TNFSF8: variants seen among roughly 807,000 people sequenced by gnomAD.
The protein encoded by TNFSF8 is TNF superfamily member 8.
TNFSF8 carries 4 observed loss-of-function variants against 22.0 expected under a neutral mutation model. That is an observed-to-expected ratio of 0.18 (90% CI 0.09 to 0.42). The LOEUF (loss-of-function observed/expected upper bound fraction) is 0.42, where lower values mean the gene tolerates loss of function less well. Among genes scored for constraint, TNFSF8 ranks in the 10% least tolerant of loss-of-function variants. TNFSF8 has a pLI of 1.00. For missense variants in TNFSF8, 233 were observed against 281.8 expected, an observed-to-expected ratio of 0.83 and a Z score of 1.24; for synonymous variants, 106 against 112.5, an observed-to-expected ratio of 0.94 and a Z score of 0.37.
chr9:114,893,537 T>C (rs1827626039), exon 5 of TNFSF8: 1 of 157,852 alleles, frequency 6.3e-6, no homozygotes, highest in Admixed American at 6.0e-5. Context: ...TGGTGTAAAC[T>C]TTAAAGCACT....
In TNFSF8 at chr9:114,930,460, G is replaced by A; in HGVS notation, c.-157C>T. Reference sequence around the variant, plus strand: ...CTGCCTGGTGGAGAAACTCTTCTCTGGGGGCGTGAGGCGAGAGGCGGCAGC... The same window carrying A: ...CTGCCTGGTGGAGAAACTCTTCTCTAGGGGCGTGAGGCGAGAGGCGGCAGC... On this transcript the variant is annotated 5_prime_UTR_variant, in exon 1 of 4. Coordinates refer to ENST00000223795, the MANE Select transcript of TNFSF8 (RefSeq NM_001244.4). 1.9e-6 allele frequency: 1 copy of A among 519,934 alleles called. No individual in the cohort carries two copies. The highest frequency in any genetic ancestry group is 3.1e-6 in the Non-Finnish European group (1 of 326,488). 32.2% of individuals were successfully genotyped at this position (519,934 alleles called of 1,614,324 possible). A position where few individuals can be genotyped will look rare whatever the true frequency, so the allele number is the denominator to read the frequency against.
chr9:114,914,761 G>T (rs936384959), intron 2 of TNFSF8, among the ~76,000 whole-genome samples: 5 of 152,052 alleles, frequency 3.3e-5, no homozygotes, highest in Non-Finnish European at 7.4e-5. Context: ...GGGTGTGGGG[G>T]AAAGGTTCTC....
chr9:114,912,064 G>C (rs1323803864), intron 2 of TNFSF8, among the ~76,000 whole-genome samples: 1 of 152,178 alleles, frequency 6.6e-6, no homozygotes, highest in African/African-American at 2.4e-5. Flanking sequence ...ATCAATTTTA[G>C]AAAGTTAGAC....
downstream of TNFSF8, among the ~76,000 whole-genome samples, chr9:114,899,966 A>T (rs1827698276): frequency 6.6e-6 from 1 of 152,328 alleles, no homozygotes; most frequent in South Asian, 2.1e-4. Context: ...CAAGAAGAAG[A>T]TGTGCTTATT....
intron 1 of TNFSF8, among the ~76,000 whole-genome samples, chr9:114,924,136 C>G (rs1828027326): frequency 6.6e-6 from 1 of 152,136 alleles, no homozygotes; most frequent in African/African-American, 2.4e-5. Flanking sequence ...GAGATTTTAG[C>G]TCGGTGCTTC....
intron 1 of TNFSF8, among the ~76,000 whole-genome samples, chr9:114,920,095 G>A (rs775963293): frequency 2.1e-4 from 32 of 152,198 alleles, no homozygotes; most frequent in Non-Finnish European, 3.5e-4. Flanking sequence ...CATGCAGTTT[G>A]CAGGAAAACT....
chr9:114,922,063 A>G (rs1257139081), intron 1 of TNFSF8, among the ~76,000 whole-genome samples: 1 of 144,240 alleles, frequency 6.9e-6, no homozygotes, highest in African/African-American at 2.5e-5. Flanking sequence ...CTAATCATCC[A>G]TCTTTCCACT....
At chr9:114,894,269 G>A (rs1265154853) in intron 4 of TNFSF8, 2 of 914,670 alleles carry the variant, frequency 2.2e-6, no homozygotes, top group East Asian at 5.4e-5. Context: ...GGAGGCAAAT[G>A]TACAATCATG....
chr9:114,925,116 G>T (rs919732027), intron 1 of TNFSF8, among the ~76,000 whole-genome samples: 1 of 152,134 alleles, frequency 6.6e-6, no homozygotes, highest in Non-Finnish European at 1.5e-5. Context: ...GGTTTTATTG[G>T]GGGCTTACAT....
At chr9:114,913,801 A>G (rs939900402) in intron 2 of TNFSF8, among the ~76,000 whole-genome samples, 6 of 152,194 alleles carry the variant, frequency 3.9e-5, no homozygotes, top group African/African-American at 1.4e-4. Flanking sequence ...CTGGGGGCTT[A>G]CTGTGAGAAC....
At chr9:114,894,805 G>T (rs1827640652) in intron 4 of TNFSF8, among the ~76,000 whole-genome samples, 1 of 151,976 alleles carries the variant, frequency 6.6e-6, no homozygotes, top group South Asian at 2.1e-4. Flanking sequence ...AGGATGAAAA[G>T]ACCAGATGCA....
Position 114,908,603 on chromosome 9 carries a change from T to C in TNFSF8, c.239-2704A>G, listed in dbSNP as rs528488355. Among the ~76,000 whole-genome samples the C allele has an allele frequency of 2.9e-4, 44 of 152,236 alleles. 1 individual carries two copies. The highest frequency in any genetic ancestry group is 6.5e-4 in the Admixed American group (10 of 15,292). On this transcript the variant is annotated intron_variant, in intron 2 of 3. Coordinates refer to ENST00000223795, the MANE Select transcript of TNFSF8 (RefSeq NM_001244.4). ...CTGGTTCTTTTGTTGTTTTTTCCCCTTTGGGTTGACCTCAGTTGTAATTCT... is the reference window on the plus strand; with the variant it reads ...CTGGTTCTTTTGTTGTTTTTTCCCCCTTGGGTTGACCTCAGTTGTAATTCT...
At chr9:114,896,484 G>C (rs888016685), downstream of TNFSF8, among the ~76,000 whole-genome samples, 2 of 152,184 alleles carry the variant, frequency 1.3e-5, no homozygotes, top group Admixed American at 1.3e-4. Context: ...AAAATATCTA[G>C]AAGAGAGGAT....
rs1827712321 is a variant in TNFSF8 at position 114,901,203 on chromosome 9, A to G, written c.*2728T>C. On this transcript the variant is annotated 3_prime_UTR_variant, in exon 4 of 4. Transcript: ENST00000223795. ...ATAGATATCATTTTACTCATGGAGT[A>G]TCATTTGCTCATAACATTCCCAGGG... The G allele has an allele frequency of 4.1e-6, 4 of 985,458 alleles. No individual in the cohort carries two copies. In the South Asian group the frequency reaches 1.4e-4, roughly 35 times the overall value. The allele number at this position is 985,458 out of a possible 1,614,324, so 61.0% of individuals were successfully genotyped here. A position where few individuals can be genotyped will look rare whatever the true frequency, so the allele number is the denominator to read the frequency against.
At chr9:114,894,267 A>G in intron 4 of TNFSF8, 1 of 915,760 alleles carries the variant, frequency 1.1e-6, no homozygotes, top group Non-Finnish European at 1.7e-6. Flanking sequence ...AGGGAGGCAA[A>G]TGTACAATCA....
At chr9:114,904,535 C>T (rs1827761773) in intron 3 of TNFSF8, among the ~76,000 whole-genome samples, 1 of 152,168 alleles carries the variant, frequency 6.6e-6, no homozygotes, top group Non-Finnish European at 1.5e-5. Context: ...TTCTTCAATG[C>T]TGAAAGCTGG....
At chr9:114,929,890 T>C (rs1413882510) in intron 1 of TNFSF8, among the ~76,000 whole-genome samples, 2 of 140,744 alleles carry the variant, frequency 1.4e-5, no homozygotes, top group African/African-American at 5.5e-5. Context: ...TATATATATA[T>C]ATAATATATA....
intron 1 of TNFSF8, among the ~76,000 whole-genome samples, chr9:114,926,456 T>C (rs112174995): frequency 4.3e-4 from 65 of 152,142 alleles, no homozygotes; most frequent in Non-Finnish European, 6.6e-4. Context: ...AAATGCACAT[T>C]CCATTCCTAT....
In TNFSF8 at chr9:114,930,354, A is replaced by T; in HGVS notation, c.-51T>A. 1 of 1,344,126 alleles carries T rather than the reference A, an allele frequency of 7.4e-7. No homozygotes were observed. The allele number at this position is 1,344,126 out of a possible 1,614,324, so 83.3% of individuals were successfully genotyped here. A position where few individuals can be genotyped will look rare whatever the true frequency, so the allele number is the denominator to read the frequency against. The stretch of plus-strand genomic sequence containing the variant: ...CACCTTATCTCTCTTCATCTGATTC[A>T]GTTCTGGGCCCATCTCTGTTCCAAG... On this transcript the variant is annotated 5_prime_UTR_variant, in exon 1 of 4. An upstream open reading frame in the 5' UTR loses its in-frame stop. Transcript: ENST00000223795.
Sources: gnomAD v4.1 joint callset for allele counts (sites outside exome capture counted in the v4.1 genomes callset) on GRCh38, gnomAD v4.1.1 for gene constraint, MANE v1.5 for transcripts, NCBI Gene and HGNC (gene_info 2026-07-23, HGNC 2026-07-21) for gene names.